Variants in SETX observed in about 807,000 individuals in gnomAD.
SETX encodes the protein senataxin, also known as helicase senataxin.
A neutral mutation model predicts 227.2 loss-of-function variants in SETX; 90 were observed. The ratio of observed to expected loss-of-function variants is 0.40; its 90% CI spans 0.33 to 0.47. The LOEUF is 0.47. SETX is among the 20% of genes least tolerant of loss of function. SETX has a pLI of 0.91. For synonymous variants in SETX, 1,210 were observed against 1,113.2 expected, an observed-to-expected ratio of 1.09 and a Z score of -1.73; for missense variants, 3,052 against 3,181.5, an observed-to-expected ratio of 0.96 and a Z score of 0.98.
At chr9:132,286,758 AT>A (rs1843925789) in intron 17 of SETX, among the ~76,000 whole-genome samples, 1 of 152,202 alleles carries the variant, frequency 6.6e-6, no homozygotes, top group Non-Finnish European at 1.5e-5. Context: ...CTTCCAGGTG[AT>A]TCAAATGAGG....
chr9:132,337,195 G>A (rs1372452028), intron 5 of SETX, among the ~76,000 whole-genome samples: 2 of 152,014 alleles, frequency 1.3e-5, no homozygotes, highest in East Asian at 1.9e-4. Flanking sequence ...CTAAAGGGGA[G>A]TGGAATGTTG....
chr9:132,326,413 T>C lies in SETX; in HGVS notation c.5185A>G (p.Ile1729Val), dbSNP rs1344764532. Residue 1729 changes from isoleucine to valine, a missense_variant, in exon 10 of 26, where the codon ATC (isoleucine) becomes GTC (valine). Ile to Val is a conservative substitution (Grantham distance 29). This residue lies in a region of SETX where 239 missense variants were observed against 272.1 expected (regional missense o/e 0.88). Coordinates refer to ENST00000224140, the MANE Select transcript of SETX (RefSeq NM_015046.7). ...CGPPASLCQS[I>V]SRPVPVRFHN... ...AATCTGACAGGCACAGGTCTTGAGA[T>C]GGACTGACAAAGACTTGCAGGGGGC... The C allele has an allele frequency of 5.0e-6, 8 of 1,614,016 alleles. No homozygotes were observed. The African/African-American group carries it at 1.1e-4, about 22-fold the overall frequency.
chr9:132,299,260 G>A (rs1455693988), intron 12 of SETX, among the ~76,000 whole-genome samples: 4 of 152,208 alleles, frequency 2.6e-5, no homozygotes, highest in Admixed American at 1.3e-4. Flanking sequence ...CAGATGTCAG[G>A]CAGAAAATCA....
chr9:132,283,541 G>A, intron 18 of SETX, 128 bp from the exon 19 acceptor site: 1 of 1,171,822 alleles, frequency 8.5e-7, no homozygotes, highest in Non-Finnish European at 1.2e-6. Flanking sequence ...TTTAGTAAAA[G>A]TTAGGGGAAA....
In SETX at chr9:132,264,749, T is replaced by C. The variant is rs1363479881; in HGVS notation, c.7524A>G (p.Leu2508=). 1.2e-6 allele frequency: 2 copies of C among 1,614,164 alleles called. No individual in the cohort carries two copies. Among genetic ancestry groups the C allele is most frequent in the East Asian group, 2.2e-5 (1 of 44,886 alleles). Residue 2508 remains leucine (L), a synonymous_variant, in exon 26 of 26, where the codon CTA becomes CTG. Transcript: ENST00000224140. ...CCTTGGAGTCAGAGGGTGTGTGGTA[T>C]AGAGAAGCAGCAACAGATGTCTTGG... ...GFAKTSVAAS[L]YHTPSDSKEI... is the part of the protein sequence containing the mutation.
At chr9:132,276,194 C>T (rs927072800) in intron 22 of SETX, among the ~76,000 whole-genome samples, 7 of 152,200 alleles carry the variant, frequency 4.6e-5, no homozygotes, top group Non-Finnish European at 5.9e-5. Flanking sequence ...ACTAAATGGA[C>T]AACCCAATCA....
At chr9:132,291,329 G>C (rs1029243723) in intron 15 of SETX, among the ~76,000 whole-genome samples, 3 of 151,858 alleles carry the variant, frequency 2.0e-5, no homozygotes, top group Non-Finnish European at 4.4e-5. Context: ...ACCACGCCCA[G>C]CTAATTTTTT....
At chr9:132,271,835 C>T in intron 23 of SETX, 27 bp from the exon 24 acceptor site, 3 of 1,576,822 alleles carry the variant, frequency 1.9e-6, no homozygotes, top group Non-Finnish European at 2.6e-6. Flanking sequence ...AACATATTTA[C>T]TGGAAAAAGG....
In SETX at chr9:132,263,807, TC is replaced by T. The variant is rs1554801157; in HGVS notation, c.*431del. The T allele has an allele frequency of 4.7e-4, 73 of 154,706 alleles. No homozygotes were observed. The highest frequency in any genetic ancestry group is 2.8e-3 in the South Asian group (22 of 7,732). 9.6% of individuals were successfully genotyped at this position (154,706 alleles called of 1,614,324 possible). ...GTTGAAAGGACCCGCCCTCCTCCCA[TC>T]TTTTTTTTTTTGGTAATATAAAGTT... is the stretch of plus-strand genomic sequence containing the variant. On this transcript the variant is annotated 3_prime_UTR_variant, in exon 26 of 26. Transcript: ENST00000224140.
chr9:132,327,887 TG>T lies in SETX; in HGVS notation c.3710del (p.Pro1237GlnfsTer24). On this transcript the variant is annotated frameshift_variant, in exon 10 of 26. Transcript: ENST00000224140. LOFTEE classifies it high-confidence loss of function. Reference protein sequence around the residue: ...CTCTEPIRKVPVSKTPKKTHS... With the variant: ...CTCTEPIRKVXVSKTPKKTHS... ...GAGTTTTCTTAGGGGTCTTAGAAAC[TG>T]GAACTTTCCTGATGGGTTCTGTACA... 6.2e-7 allele frequency: 1 copy of T among 1,614,208 alleles called. No homozygotes were observed. The highest frequency in any genetic ancestry group is 1.6e-4 in the Middle Eastern group (1 of 6,062).
intron 11 of SETX, among the ~76,000 whole-genome samples, chr9:132,302,174 G>C: frequency 6.6e-6 from 1 of 151,630 alleles, no homozygotes; most frequent in East Asian, 2.0e-4. Flanking sequence ...TGGCCAACAC[G>C]GTGAAACCCC....
intron 14 of SETX, 124 bp downstream of exon 14, chr9:132,296,763 T>C: frequency 5.6e-6 from 5 of 899,398 alleles, no homozygotes; most frequent in Admixed American, 2.1e-5. Context: ...TTACACACAA[T>C]ATAAAAAATA....
chr9:132,296,839 A>T (rs1260678493), intron 14 of SETX, 48 bp downstream of exon 14: 1 of 1,560,740 alleles, frequency 6.4e-7, no homozygotes, highest in South Asian at 1.1e-5. Context: ...CAAGTAAAGT[A>T]AAATGATACA....
chr9:132,286,229 G>A (rs748932419), intron 18 of SETX, among the ~76,000 whole-genome samples, 194 bp downstream of exon 18: 98 of 149,944 alleles, frequency 6.5e-4, no homozygotes, highest in Non-Finnish European at 1.1e-3. Context: ...GTGCACGCCT[G>A]TAATCCCAGC....
chr9:132,310,159 G>A (rs1466268776), intron 11 of SETX, among the ~76,000 whole-genome samples: 1 of 152,126 alleles, frequency 6.6e-6, no homozygotes, highest in Admixed American at 6.6e-5. Context: ...TACTAAATAT[G>A]TGAAAAGATG....
chr9:132,355,660 C>T (rs1397984668), upstream of SETX, among the ~76,000 whole-genome samples: 2 of 151,924 alleles, frequency 1.3e-5, no homozygotes, highest in African/African-American at 4.8e-5. Flanking sequence ...TGCAACATAG[C>T]GAGACACCCG....
intron 10 of SETX, among the ~76,000 whole-genome samples, chr9:132,324,893 C>T (rs1846607738): frequency 6.6e-6 from 1 of 152,214 alleles, no homozygotes; most frequent in African/African-American, 2.4e-5. Context: ...CACAAAAATC[C>T]TTCTAAACGC....
At chr9:132,274,273 A>G (rs1463265553) in intron 23 of SETX, among the ~76,000 whole-genome samples, 1 of 152,134 alleles carries the variant, frequency 6.6e-6, no homozygotes, top group African/African-American at 2.4e-5. Flanking sequence ...TCAGTGTAAT[A>G]CTGGCTTCAA....
intron 10 of SETX, among the ~76,000 whole-genome samples, chr9:132,313,294 T>A (rs759969809): frequency 2.0e-5 from 3 of 152,040 alleles, no homozygotes; most frequent in African/African-American, 7.2e-5. Flanking sequence ...ATAAAAAAAA[T>A]GGATCACTAA....
Sources: allele counts gnomAD v4.1 joint callset (sites outside exome capture counted in the v4.1 genomes callset), GRCh38; gene constraint gnomAD v4.1.1; regional missense constraint gnomAD v4.1.1; transcripts MANE v1.5; gene names NCBI Gene and HGNC (gene_info 2026-07-23, HGNC 2026-07-21).